The following PATZ1 variants were observed in gnomAD, a reference collection of about 807,000 sequenced individuals.
PATZ1 encodes POZ-, AT hook-, and zinc finger-containing protein 1.
In PATZ1, 9 loss-of-function variants were observed where a neutral mutation model predicts 46.2. The observed-to-expected ratio is 0.19, with a 90% CI of 0.12 to 0.34. PATZ1 has a LOEUF of 0.34. Ranked by LOEUF, PATZ1 falls within the 10% of genes least tolerant of loss-of-function variation. PATZ1 has a pLI of 1.00. For synonymous variants in PATZ1, 426 were observed against 378.6 expected, an observed-to-expected ratio of 1.13 and a Z score of -1.45; for missense variants, 632 against 923.0, an observed-to-expected ratio of 0.68 and a Z score of 4.08.
chr22:31,344,896 G>C lies in PATZ1; in HGVS notation c.707C>G (p.Pro236Arg). 1 of 1,613,338 alleles carries C rather than the reference G, an allele frequency of 6.2e-7. No individual in the cohort carries two copies. Among genetic ancestry groups the C allele is most frequent in the Non-Finnish European group, 8.5e-7 (1 of 1,180,028 alleles). ...GGGGGATAGGGGTCCAGCCACCATG[G>C]GCAAGCGGTCCACCCCAGGTAACAC... Reference protein sequence around the residue: ...LPVLPGVDRLPMVAGPLSPQL... With the variant: ...LPVLPGVDRLRMVAGPLSPQL... The change falls in exon 1 of 5, where the codon CCC becomes CGC. Residue 236 changes from proline (P) to arginine (R), a missense_variant. By Grantham distance (103) the Pro-to-Arg change is moderately radical. Around this residue, in one of 7 missense-constraint regions of PATZ1, gnomAD observed 279 missense variants for 284.3 expected, o/e 0.98. Coordinates refer to ENST00000266269, the MANE Select transcript of PATZ1 (RefSeq NM_014323.3).
At position 31,344,803 on chromosome 22, in the gene PATZ1, C is replaced by T. The variant is rs1243887430; in HGVS notation, c.800G>A (p.Arg267Gln). The T allele has an allele frequency of 1.2e-6, 2 of 1,608,868 alleles. No homozygotes were observed. The highest frequency in any genetic ancestry group is 1.7e-6 in the Non-Finnish European group (2 of 1,177,356). The change falls in exon 1 of 5, where the codon CGG (arginine) becomes CAG (glutamine). Residue 267 changes from arginine (R) to glutamine (Q), a missense_variant. Arg to Gln is a conservative substitution (Grantham distance 43, BLOSUM62 1). This residue lies in a region of PATZ1 where 279 missense variants were observed against 284.3 expected (regional missense o/e 0.98). Transcript: ENST00000266269. ...CAGGTTGGCCTTCCTTGGGCGGCCC[C>T]GGCCTCGCTTGCCAGTCAGGGGAGG... ...SAPPLTGKRG[R>Q]GRPRKANLLD...
chr22:31,343,026 G>T, intron 1 of PATZ1, 66 bp from the exon 2 acceptor site: 1 of 1,609,008 alleles, frequency 6.2e-7, no homozygotes. Context: ...AGGCACATAT[G>T]CATACGTGTG....
At position 31,327,053 on chromosome 22, in the gene PATZ1, G is replaced by T. The variant is rs1281643117; in HGVS notation, c.1902C>A (p.Gly634=). The change falls in exon 5 of 5, where the codon GGC becomes GGA. Residue 634 remains glycine, a synonymous_variant. Coordinates refer to ENST00000266269, the MANE Select transcript of PATZ1 (RefSeq NM_014323.3). The surrounding 1 kb of genome is among the most constrained non-coding windows in gnomAD (Gnocchi z 4.2). ...GGGCAGGGCCCAGGTCCCCCAGGGG[G>T]CCCCCGAGAGCCCGGACATGCACCT... is the stretch of plus-strand genomic sequence containing the variant. ...IQKVHVRALG[G]PLGDLGPALG... 1.9e-6 allele frequency: 3 copies of T among 1,614,058 alleles called. No individual in the cohort carries two copies. The Admixed American group carries it at 5.0e-5, about 27-fold the overall frequency.
chr22:31,326,851 G>C lies in PATZ1; in HGVS notation c.*40C>G. ...TCCGCATTCACAGCATTTCCCAGCA[G>C]TCCCCAGATGGTTGTTTCCGTGGGG... On this transcript the variant is annotated 3_prime_UTR_variant, in exon 5 of 5. Coordinates refer to ENST00000266269, the MANE Select transcript of PATZ1 (RefSeq NM_014323.3). The C allele has an allele frequency of 6.5e-7, 1 of 1,548,418 alleles. No homozygotes were observed. Among genetic ancestry groups the C allele is most frequent in the East Asian group, 2.3e-5 (1 of 44,348 alleles).
chr22:31,345,718 CGAGG>C lies in PATZ1; in HGVS notation c.-120_-117del. On this transcript the variant is annotated 5_prime_UTR_variant, in exon 1 of 5. Transcript: ENST00000266269. This position sits in a 1 kb window ranked among gnomAD's most constrained non-coding sequence, Gnocchi z 7.4. Reference sequence around the variant, plus strand: ...TCCACACTCCCCACACGTGCCGGCCCGAGGCTCTGTAGTCTCGCAGGTGCGCCGA... The same window carrying C: ...TCCACACTCCCCACACGTGCCGGCCCCTCTGTAGTCTCGCAGGTGCGCCGA... 9.3e-7 allele frequency: 1 copy of C among 1,071,204 alleles called. No individual in the cohort carries two copies. The allele number at this position is 1,071,204 out of a possible 1,614,324, so 66.4% of individuals were successfully genotyped here. A position where few individuals can be genotyped will look rare whatever the true frequency, so the allele number is the denominator to read the frequency against.
intron 3 of PATZ1, among the ~76,000 whole-genome samples, chr22:31,331,579 C>T (rs902108481): frequency 9.9e-5 from 15 of 152,048 alleles, no homozygotes; most frequent in Admixed American, 1.3e-4. Flanking sequence ...CCTGACTTCG[C>T]GATCCACCCG....
intron 1 of PATZ1, chr22:31,343,280 C>T (rs2049606257): frequency 9.2e-7 from 1 of 1,086,188 alleles, no homozygotes; most frequent in East Asian, 6.7e-5. Context: ...TGAAACAGAG[C>T]TGCCTCACTG....
chr22:31,328,471 A>C lies in PATZ1; in HGVS notation c.1645+316T>G, dbSNP rs2049394580. Among the ~76,000 whole-genome samples the C allele has an allele frequency of 1.3e-5, 2 of 152,212 alleles. No individual in the cohort carries two copies. The highest frequency in any genetic ancestry group is 2.4e-5 in the African/African-American group (1 of 41,464). On this transcript the variant is annotated intron_variant, in intron 4 of 4. Coordinates refer to ENST00000266269, the MANE Select transcript of PATZ1 (RefSeq NM_014323.3). This position sits in a 1 kb window ranked among gnomAD's most constrained non-coding sequence, Gnocchi z 4.8. ...ACAGGCCCATAGTGACTCATCATGC[A>C]GGGCTCTTCTTCTGCCCAGGGCCCG... is the stretch of plus-strand genomic sequence containing the variant.
At chr22:31,341,217 T>G (rs1601495025) in intron 2 of PATZ1, 1 of 1,323,020 alleles carries the variant, frequency 7.6e-7, no homozygotes. Flanking sequence ...CTATAGGGGG[T>G]TCCAGAAAGG....
chr22:31,345,568 G>C lies in PATZ1; in HGVS notation c.35C>G (p.Ser12Cys). 6.2e-7 allele frequency: 1 copy of C among 1,601,182 alleles called. No homozygotes were observed. Among genetic ancestry groups the C allele is most frequent in the Non-Finnish European group, 8.5e-7 (1 of 1,170,742 alleles). ...ERVNDASCGP[S>C]GCYTYQVSRH... ...GCTCACCTGGTATGTGTAGCAGCCA[G>C]ACGGGCCGCACGAAGCGTCGTTCAC... Residue 12 changes from serine (S) to cysteine (C), a missense_variant, in exon 1 of 5, where the codon TCT (serine) becomes TGT (cysteine). By Grantham distance (112) the Ser-to-Cys change is moderately radical. Around this residue, in one of 7 missense-constraint regions of PATZ1, gnomAD observed 30 missense variants for 27.7 expected, o/e 1.08. Transcript: ENST00000266269. The surrounding 1 kb of genome is among the most constrained non-coding windows in gnomAD (Gnocchi z 7.4).
At chr22:31,341,478 G>A (rs748282074) in intron 2 of PATZ1, 15 of 1,612,254 alleles carry the variant, frequency 9.3e-6, no homozygotes, top group South Asian at 2.2e-5. Flanking sequence ...ATATCCCGGC[G>A]GGGCTGGGCA....
chr22:31,334,873 C>T (rs1028704713), intron 3 of PATZ1, among the ~76,000 whole-genome samples: 3 of 152,116 alleles, frequency 2.0e-5, no homozygotes, highest in African/African-American at 7.2e-5. Context: ...TAAGGACATC[C>T]CAGTGCTCCC....
Position 31,344,850 on chromosome 22 carries a change from G to A in PATZ1, c.753C>T (p.Phe251=). The A allele has an allele frequency of 6.2e-7, 1 of 1,612,760 alleles. No individual in the cohort carries two copies. The highest frequency in any genetic ancestry group is 8.5e-7 in the Non-Finnish European group (1 of 1,179,916). ...GAGGGGCACTGGATGCCACACTGGGGAATGGGGAAGTCAGCAGTTGGGGGG... is the reference window on the plus strand; with the variant it reads ...GAGGGGCACTGGATGCCACACTGGGAAATGGGGAAGTCAGCAGTTGGGGGG... ...PLSPQLLTSP[F]PSVASSAPPL... is the part of the protein sequence containing the mutation. The change falls in exon 1 of 5, where the codon TTC becomes TTT. Residue 251 remains phenylalanine, a synonymous_variant. Transcript: ENST00000266269.
Position 31,344,316 on chromosome 22 carries a change from G to A in PATZ1, c.1271+16C>T, listed in dbSNP as rs1342766071. ...GATAACGTGTGGCAGGGGAGGAAGA[G>A]GGGGCCTTTCCTCACCTGGAGAAGC... On this transcript the variant is annotated intron_variant, in intron 1 of 4. Coordinates refer to ENST00000266269, the MANE Select transcript of PATZ1 (RefSeq NM_014323.3). 6.3e-7 allele frequency: 1 copy of A among 1,577,496 alleles called. No homozygotes were observed. Among genetic ancestry groups the A allele is most frequent in the Non-Finnish European group, 8.6e-7 (1 of 1,161,384 alleles).
chr22:31,333,093 C>T (rs1232646120), intron 3 of PATZ1, among the ~76,000 whole-genome samples: 2 of 152,242 alleles, frequency 1.3e-5, no homozygotes, highest in African/African-American at 4.8e-5. Flanking sequence ...TCATCTGTCT[C>T]TTCAACTTGC....
intron 2 of PATZ1, chr22:31,341,065 A>G (rs917669241): frequency 1.8e-6 from 2 of 1,091,684 alleles, no homozygotes; most frequent in Admixed American, 9.6e-5. Context: ...AAGTGATGCC[A>G]GGGGAAGGGA....
Position 31,345,366 on chromosome 22 carries a change from A to G in PATZ1, c.237T>C (p.Ala79=). 6.2e-7 allele frequency: 1 copy of G among 1,606,732 alleles called. No individual in the cohort carries two copies. The highest frequency in any genetic ancestry group is 1.1e-5 in the South Asian group (1 of 90,658). ...CTACATCAGCCGGACCCCCGTCCGC[A>G]GCTCCGCCGTCGCCCAACTGGGCGC... is the stretch of plus-strand genomic sequence containing the variant. ...VFSAQLGDGG[A]ADGGPADVGG... Residue 79 remains alanine (A), a synonymous_variant, in exon 1 of 5, where the codon GCT becomes GCC. Transcript: ENST00000266269. This position sits in a 1 kb window ranked among gnomAD's most constrained non-coding sequence, Gnocchi z 7.4.
In PATZ1 at chr22:31,328,888, T is replaced by G; in HGVS notation, c.1544A>C (p.Lys515Thr). 1 of 1,614,058 alleles carries G rather than the reference T, an allele frequency of 6.2e-7. No homozygotes were observed. The highest frequency in any genetic ancestry group is 8.5e-7 in the Non-Finnish European group (1 of 1,179,998). ...GGGAAGGGGAACACCGTGGTGGGTT[T>G]TAACATGGACCTTTAAGTAGGAGGC... ...SSASYLKVHVKTHHGVPLPQV... is the reference protein window; with the variant it reads ...SSASYLKVHVTTHHGVPLPQV... Residue 515 changes from lysine to threonine, a missense_variant, in exon 4 of 5, where the codon AAA (lysine) becomes ACA (threonine). Around this residue, in one of 7 missense-constraint regions of PATZ1, gnomAD observed 176 missense variants for 249.4 expected, o/e 0.71. Transcript: ENST00000266269. The surrounding 1 kb of genome is among the most constrained non-coding windows in gnomAD (Gnocchi z 4.8).
rs1289522306 is a variant in PATZ1, at chr22:31,345,839, C to T, written c.-237G>A. The stretch of plus-strand genomic sequence containing the variant: ...ACCCCCGCCCTCGCTGGACTGCGCG[C>T]CACTCTCTCCTCTCCGCCCGCCCGC... On this transcript the variant is annotated 5_prime_UTR_variant, in exon 1 of 5. Coordinates refer to ENST00000266269, the MANE Select transcript of PATZ1 (RefSeq NM_014323.3). The surrounding 1 kb of genome is among the most constrained non-coding windows in gnomAD (Gnocchi z 7.4). The T allele has an allele frequency of 1.4e-4, 58 of 424,930 alleles. No individual in the cohort carries two copies. The East Asian group carries it at 2.0e-3, about 15-fold the overall frequency. The allele number at this position is 424,930 out of a possible 1,614,324, so 26.3% of individuals were successfully genotyped here. A position where few individuals can be genotyped will look rare whatever the true frequency, so the allele number is the denominator to read the frequency against.
Sources: allele counts gnomAD v4.1 joint callset (sites outside exome capture counted in the v4.1 genomes callset), GRCh38; gene constraint gnomAD v4.1.1; regional missense constraint gnomAD v4.1.1; non-coding constraint Gnocchi (gnomAD v3.1); transcripts MANE v1.5; gene names NCBI Gene and HGNC (gene_info 2026-07-23, HGNC 2026-07-21).